The following MTHFD2L variants were observed in gnomAD, a reference collection of about 807,000 sequenced individuals.
The protein encoded by MTHFD2L is bifunctional methylenetetrahydrofolate dehydrogenase/cyclohydrolase 2, mitochondrial.
MTHFD2L carries 29 observed loss-of-function variants against 34.9 expected under a neutral mutation model. The ratio of observed to expected loss-of-function variants is 0.83; its 90% CI spans 0.62 to 1.13. The LOEUF (loss-of-function observed/expected upper bound fraction) is 1.13. MTHFD2L is among the 50% of genes most tolerant of loss of function. MTHFD2L has a pLI of 0.00. For missense variants in MTHFD2L, 481 were observed against 446.5 expected, an observed-to-expected ratio of 1.08 and a Z score of -0.70; for synonymous variants, 167 against 155.7, an observed-to-expected ratio of 1.07 and a Z score of -0.54.
chr4:74,276,927 A>AT (rs955460335), intron 6 of MTHFD2L, among the ~76,000 whole-genome samples: 94 of 150,382 alleles, frequency 6.3e-4, no homozygotes, highest in African/African-American at 2.1e-3. Flanking sequence ...AAGAAAGAGG[A>AT]TTTTTTTTTT....
intron 7 of MTHFD2L, among the ~76,000 whole-genome samples, chr4:74,292,028 T>G (rs555850084): frequency 6.6e-6 from 1 of 152,306 alleles, no homozygotes; most frequent in South Asian, 2.1e-4. Flanking sequence ...GAAAAGTTGA[T>G]GAACATTATA....
At chr4:74,299,103 C>T (rs1253407210) in intron 7 of MTHFD2L, among the ~76,000 whole-genome samples, 1 of 151,688 alleles carries the variant, frequency 6.6e-6, no homozygotes, top group African/African-American at 2.4e-5. Flanking sequence ...AGCTGCTTTA[C>T]CTTTCAAAGT....
chr4:74,290,998 C>CTTTTTTTTTT lies in MTHFD2L; in HGVS notation c.931+9452_931+9453insTTTTTTTTTT, dbSNP rs1560565979. 2.2e-4 allele frequency among the ~76,000 whole-genome samples: 10 copies of CTTTTTTTTTT among 46,182 alleles called. 1 individual carries two copies. Among genetic ancestry groups the CTTTTTTTTTT allele is most frequent in the East Asian group, 6.2e-4 (1 of 1,612 alleles). 30.3% of individuals were successfully genotyped at this position (46,182 alleles called of 152,430 possible). On this transcript the variant is annotated intron_variant, in intron 7 of 7. Transcript: ENST00000325278. The stretch of plus-strand genomic sequence containing the variant: ...GCTTCCTGTCTTACATTTATTTTTC[C>CTTTTTTTTTT]TTTTCTTTTTTTTTTTTTTTTTTTT...
intron 5 of MTHFD2L, among the ~76,000 whole-genome samples, chr4:74,212,136 A>G (rs1578484665): frequency 6.6e-6 from 1 of 151,034 alleles, no homozygotes; most frequent in South Asian, 2.1e-4. Flanking sequence ...AAAAAATAGC[A>G]TTTTTTAATA....
chr4:74,158,331 G>C, intron 1 of MTHFD2L, 50 bp downstream of exon 1: 1 of 1,202,150 alleles, frequency 8.3e-7, no homozygotes, highest in Non-Finnish European at 1.0e-6. Context: ...GTGGGAGGTC[G>C]GCGGGGGCGC....
chr4:74,280,256 A>C (rs1344018315), intron 6 of MTHFD2L: 1 of 152,114 alleles, frequency 6.6e-6, no homozygotes, highest in African/African-American at 2.4e-5. Context: ...AAGTGACATT[A>C]TGCTGGTTTC....
Position 74,206,628 on chromosome 4 carries a change from A to G in MTHFD2L, c.712+5258A>G, listed in dbSNP as rs535990967. On this transcript the variant is annotated intron_variant, in intron 5 of 7. Transcript: ENST00000325278. ...AAAAAAAGTTGAAAATGCATTTTGAAGTTAAGCTGCCCAGTTACATTTTTT... is the reference window on the plus strand; with the variant it reads ...AAAAAAAGTTGAAAATGCATTTTGAGGTTAAGCTGCCCAGTTACATTTTTT... Among the ~76,000 whole-genome samples, 97 of 152,280 alleles carry G rather than the reference A, an allele frequency of 6.4e-4. 1 individual carries two copies. Among genetic ancestry groups the G allele is most frequent in the African/African-American group, 2.2e-3 (91 of 41,568 alleles).
chr4:74,157,951 A>G (rs1206867717), upstream of MTHFD2L: 1 of 911,280 alleles, frequency 1.1e-6, no homozygotes, highest in East Asian at 2.7e-5. Context: ...CGGACCCGGC[A>G]CTCTGTCAGT....
chr4:74,130,992 C>G (rs1722452353), intron 1 of MTHFD2L, among the ~76,000 whole-genome samples: 1 of 151,976 alleles, frequency 6.6e-6, no homozygotes, highest in East Asian at 1.9e-4. Flanking sequence ...TTCACAATTG[C>G]TACAAAAAGA....
chr4:74,263,475 AT>A (rs1161402303), intron 6 of MTHFD2L, among the ~76,000 whole-genome samples: 3 of 151,462 alleles, frequency 2.0e-5, no homozygotes, highest in Non-Finnish European at 3.0e-5. Context: ...ATGTTTTTCC[AT>A]TTTTTTTGTG....
intron 6 of MTHFD2L, among the ~76,000 whole-genome samples, chr4:74,235,799 T>C (rs1459753803): frequency 6.6e-6 from 1 of 152,192 alleles, no homozygotes; most frequent in Non-Finnish European, 1.5e-5. Context: ...AGAAAAAAAC[T>C]GGTATTTTTA....
chr4:74,218,483 C>T (rs897866225), intron 5 of MTHFD2L, among the ~76,000 whole-genome samples: 35 of 152,052 alleles, frequency 2.3e-4, no homozygotes, highest in African/African-American at 7.2e-4. Flanking sequence ...TGCAAGGGCG[C>T]GGCCAAGACA....
rs1213729940 is a variant in MTHFD2L at position 74,177,897 on chromosome 4, T to C, written c.451+2494T>C. Among the ~76,000 whole-genome samples the C allele has an allele frequency of 2.6e-5, 4 of 152,014 alleles. No homozygotes were observed. In the East Asian group the frequency reaches 7.7e-4, roughly 29 times the overall value. On this transcript the variant is annotated intron_variant, in intron 3 of 7. Transcript: ENST00000325278. ...GATAAAGTAAATGTTGTTGTATATA[T>C]ACACTATGAAATAAGAATCAACTTT...
intron 6 of MTHFD2L, among the ~76,000 whole-genome samples, chr4:74,265,519 C>G (rs1427705622): frequency 6.6e-6 from 1 of 152,166 alleles, no homozygotes; most frequent in Non-Finnish European, 1.5e-5. Context: ...ATACATTATT[C>G]ATTTACTTCT....
intron 7 of MTHFD2L, among the ~76,000 whole-genome samples, chr4:74,290,998 C>CTTTTTTTTTTTTTTT (rs1560565979): frequency 6.5e-5 from 3 of 46,186 alleles, no homozygotes; most frequent in African/African-American, 2.0e-4. Flanking sequence ...TTTATTTTTC[C>CTTTTTTTTTTTTTTT]TTTTCTTTTT....
intron 6 of MTHFD2L, among the ~76,000 whole-genome samples, chr4:74,270,244 T>A (rs1039918403): frequency 2.0e-5 from 3 of 152,134 alleles, no homozygotes; most frequent in Non-Finnish European, 4.4e-5. Context: ...TATGTATACA[T>A]GTGCCATGTG....
rs558730867 is a variant in MTHFD2L, at chr4:74,225,188, T to A, written c.713-114T>A. The A allele has an allele frequency of 1.0e-5, 8 of 786,750 alleles. No homozygotes were observed. In the African/African-American group the frequency reaches 1.0e-4, roughly 10 times the overall value. 48.7% of individuals were successfully genotyped at this position (786,750 alleles called of 1,614,324 possible). On this transcript the variant is annotated intron_variant, in intron 5 of 7. Transcript: ENST00000325278. ...TTTTGTGCTCAAAGTGATTTAGTCATGTCAAAGTAGCCTTTCTATTCTTAG... is the reference window on the plus strand; with the variant it reads ...TTTTGTGCTCAAAGTGATTTAGTCAAGTCAAAGTAGCCTTTCTATTCTTAG...
upstream of MTHFD2L, chr4:74,157,333 T>G (rs1724362080): frequency 7.7e-6 from 2 of 260,116 alleles, no homozygotes; most frequent in Admixed American, 5.1e-5. Flanking sequence ...GGAGAAAAGT[T>G]GTTTCCTGTT....
intron 1 of MTHFD2L, among the ~76,000 whole-genome samples, chr4:74,132,018 T>C (rs905148453): frequency 6.6e-6 from 1 of 152,082 alleles, no homozygotes; most frequent in African/African-American, 2.4e-5. Flanking sequence ...ATTAGAGAAA[T>C]GCAAATCAAA....
Sources: gnomAD v4.1 joint callset for allele counts (sites outside exome capture counted in the v4.1 genomes callset) on GRCh38, gnomAD v4.1.1 for gene constraint, MANE v1.5 for transcripts, NCBI Gene and HGNC (gene_info 2026-07-23, HGNC 2026-07-21) for gene names.